Variants in PRKCH observed in about 807,000 individuals in gnomAD.
The protein encoded by PRKCH is protein kinase C eta type.
Under a neutral mutation model 82.5 loss-of-function variants are expected in PRKCH, and 28 were observed. That is an observed-to-expected ratio of 0.34 (90% CI 0.25 to 0.47). The LOEUF (loss-of-function observed/expected upper bound fraction) is 0.47, where lower values mean the gene tolerates loss of function less well. Ranked by LOEUF, PRKCH falls within the 20% of genes least tolerant of loss-of-function variation. The pLI is 1.00. For synonymous variants in PRKCH, 322 were observed against 327.4 expected, an observed-to-expected ratio of 0.98 and a Z score of 0.18; for missense variants, 705 against 881.8, an observed-to-expected ratio of 0.80 and a Z score of 2.54.
In PRKCH at chr14:61,272,348, T is replaced by TTTTTTTTTTTTTTTTTTTTTC. The variant is rs2045164292; in HGVS notation, c.-19+84700_-19+84701insCTTTTTTTTTTTTTTTTTTTT. On this transcript the variant is annotated intron_variant, in intron 1 of 3. Coordinates refer to the PRKCH transcript ENST00000555185. ...TTTTTCTTTTCTTTTTTCTTTCTTT[T>TTTTTTTTTTTTTTTTTTTTTC]TTTTTTTTTTTTTTTTTTTTTTTGA... Among the ~76,000 whole-genome samples, 2 of 13,146 alleles carry TTTTTTTTTTTTTTTTTTTTTC rather than the reference T, an allele frequency of 1.5e-4. 1 individual carries two copies. Among genetic ancestry groups the TTTTTTTTTTTTTTTTTTTTTC allele is most frequent in the African/African-American group, 4.3e-4 (2 of 4,682 alleles). 8.6% of individuals were successfully genotyped at this position (13,146 alleles called of 152,430 possible).
At chr14:61,409,847 G>C (rs1261704074) in intron 2 of PRKCH, among the ~76,000 whole-genome samples, 1 of 152,092 alleles carries the variant, frequency 6.6e-6, no homozygotes, top group Non-Finnish European at 1.5e-5. Flanking sequence ...AAGAGCCAGG[G>C]CCAGCATTGT....
At chr14:61,512,754 A>G (rs1369010573) in intron 10 of PRKCH, among the ~76,000 whole-genome samples, 2 of 152,190 alleles carry the variant, frequency 1.3e-5, no homozygotes, top group African/African-American at 2.4e-5. Context: ...ATCACCAGCC[A>G]CACACATTAG....
chr14:61,251,665 G>A (rs943249898), intron 1 of PRKCH, among the ~76,000 whole-genome samples: 1 of 152,098 alleles, frequency 6.6e-6, no homozygotes, highest in African/African-American at 2.4e-5. Flanking sequence ...AACAAATATG[G>A]GAGTGCAGAT....
intron 2 of PRKCH, among the ~76,000 whole-genome samples, chr14:61,414,726 G>T (rs976490419): frequency 6.6e-6 from 1 of 151,812 alleles, no homozygotes; most frequent in Non-Finnish European, 1.5e-5. Flanking sequence ...TGATCCGCCT[G>T]CCTCAGCCTC....
intron 1 of PRKCH, among the ~76,000 whole-genome samples, chr14:61,388,540 C>G (rs896979326): frequency 1.3e-5 from 2 of 152,184 alleles, no homozygotes; most frequent in African/African-American, 4.8e-5. Context: ...GGCCAGGCAG[C>G]AACTGTGCCT....
At chr14:61,407,673 CTT>C (rs1256649299) in intron 2 of PRKCH, among the ~76,000 whole-genome samples, 2 of 152,138 alleles carry the variant, frequency 1.3e-5, no homozygotes, top group Non-Finnish European at 2.9e-5. Flanking sequence ...TCATTTGAGA[CTT>C]TTAATTCCTA....
At position 61,503,293 on chromosome 14, in the gene PRKCH, G is replaced by GT. The variant is rs779965799; in HGVS notation, c.1433+17653dup. Among the ~76,000 whole-genome samples, 908 of 138,128 alleles carry GT rather than the reference G, an allele frequency of 6.6e-3. 4 individuals are homozygous for GT. The highest frequency in any genetic ancestry group is 0.035 in the Middle Eastern group (9 of 258). The allele number at this position is 138,128 out of a possible 152,430, so 90.6% of individuals were successfully genotyped here. A position where few individuals can be genotyped will look rare whatever the true frequency, so the allele number is the denominator to read the frequency against. On this transcript the variant is annotated intron_variant, in intron 10 of 13. Transcript: ENST00000332981. ...TGACTGATTTGTATGTGTGTTAGTG[G>GT]TTTTTTTTTTTTTTTTCCTGTAAGA... is the stretch of plus-strand genomic sequence containing the variant.
chr14:61,294,515 A>G (rs1566810063), intron 1 of PRKCH, among the ~76,000 whole-genome samples: 1 of 151,888 alleles, frequency 6.6e-6, no homozygotes, highest in Non-Finnish European at 1.5e-5. Flanking sequence ...TATATCTAGT[A>G]TATTAGGCTT....
intron 2 of PRKCH, among the ~76,000 whole-genome samples, chr14:61,436,939 C>T (rs1044645268): frequency 6.6e-6 from 1 of 152,252 alleles, no homozygotes; most frequent in East Asian, 1.9e-4. Flanking sequence ...AGTTCTCCTT[C>T]CTCTTTTCCA....
At chr14:61,534,277 G>A (rs764868776) in intron 12 of PRKCH, among the ~76,000 whole-genome samples, 5 of 152,192 alleles carry the variant, frequency 3.3e-5, no homozygotes, top group Non-Finnish European at 5.9e-5. Flanking sequence ...GTCCATAGCA[G>A]CATTACGTAC....
chr14:61,193,548 C>A (rs1032279243), intron 1 of PRKCH, among the ~76,000 whole-genome samples: 2 of 151,932 alleles, frequency 1.3e-5, no homozygotes, highest in Admixed American at 1.3e-4. Context: ...AAACAGAAAT[C>A]ATCCTGATCA....
At chr14:61,438,366 C>T (rs1014843565) in intron 2 of PRKCH, among the ~76,000 whole-genome samples, 21 of 152,272 alleles carry the variant, frequency 1.4e-4, no homozygotes, top group African/African-American at 1.2e-4. Flanking sequence ...AAGTTATATT[C>T]GCTGTGCATT....
chr14:61,485,771 A>C, intron 10 of PRKCH, 115 bp downstream of exon 10: 1 of 1,377,616 alleles, frequency 7.3e-7, no homozygotes. Flanking sequence ...AATTAAATTC[A>C]CAGAAGTTTT....
rs907906509 is a variant in PRKCH, at chr14:61,264,453, T to C, written c.-19+76785T>C. Among the ~76,000 whole-genome samples, 8 of 152,226 alleles carry C rather than the reference T, an allele frequency of 5.3e-5. 1 individual carries two copies. The South Asian group carries it at 1.2e-3, about 24-fold the overall frequency. Reference sequence around the variant, plus strand: ...AGCTCCAGATCTAAGAAAGCCTGATTTGGCCACTTTCAGCAATTTCTCATT... The same window carrying C: ...AGCTCCAGATCTAAGAAAGCCTGATCTGGCCACTTTCAGCAATTTCTCATT... On this transcript the variant is annotated intron_variant, in intron 1 of 3. Coordinates refer to the PRKCH transcript ENST00000555185.
At chr14:61,191,619 G>A (rs980514337) in intron 1 of PRKCH, among the ~76,000 whole-genome samples, 1 of 151,856 alleles carries the variant, frequency 6.6e-6, no homozygotes, top group African/African-American at 2.4e-5. Context: ...GTTGCGGTAA[G>A]CTGAGATGGA....
intron 9 of PRKCH, among the ~76,000 whole-genome samples, chr14:61,471,947 G>T (rs1243481111): frequency 6.6e-6 from 1 of 152,154 alleles, no homozygotes; most frequent in Non-Finnish European, 1.5e-5. Flanking sequence ...AGCCAAATGT[G>T]TCAGACCTTC....
intron 1 of PRKCH, among the ~76,000 whole-genome samples, chr14:61,385,825 A>G (rs975473555): frequency 2.0e-5 from 3 of 152,186 alleles, no homozygotes; most frequent in Non-Finnish European, 2.9e-5. Context: ...TCCTTTGGGG[A>G]CAGGGCATAA....
At chr14:61,207,262 G>A (rs1261485486) in intron 1 of PRKCH, among the ~76,000 whole-genome samples, 1 of 152,158 alleles carries the variant, frequency 6.6e-6, no homozygotes, top group African/African-American at 2.4e-5. Context: ...CCTGGCATCT[G>A]AGGTCTGACT....
chr14:61,341,337 AT>A (rs2045927983), intron 1 of PRKCH, among the ~76,000 whole-genome samples: 1 of 152,198 alleles, frequency 6.6e-6, no homozygotes. Flanking sequence ...CTCCTTTGTA[AT>A]TTGTACAGAA....
Sources: gnomAD v4.1 joint callset for allele counts (sites outside exome capture counted in the v4.1 genomes callset) on GRCh38, gnomAD v4.1.1 for gene constraint, MANE v1.5 for transcripts, NCBI Gene and HGNC (gene_info 2026-07-23, HGNC 2026-07-21) for gene names.